LRFN5: variants seen among roughly 807,000 people sequenced by gnomAD.
LRFN5 encodes the protein leucine-rich repeat and fibronectin type-III domain-containing protein 5.
LRFN5 carries 24 observed loss-of-function variants against 45.6 expected under a neutral mutation model. That is an observed-to-expected ratio of 0.53 (90% CI 0.38 to 0.74). LRFN5 has a LOEUF of 0.74. Ranked by LOEUF, LRFN5 falls within the 30% of genes least tolerant of loss-of-function variation. The probability of loss-of-function intolerance (pLI) is 0.00; values close to 1 mark genes in which losing one functional copy is unlikely to be tolerated. For missense variants in LRFN5, 776 were observed against 861.5 expected, an observed-to-expected ratio of 0.90 and a Z score of 1.24; for synonymous variants, 340 against 313.8, an observed-to-expected ratio of 1.08 and a Z score of -0.88.
At chr14:41,779,720 G>C (rs1400317119) in intron 2 of LRFN5, among the ~76,000 whole-genome samples, 1 of 151,678 alleles carries the variant, frequency 6.6e-6, no homozygotes, top group African/African-American at 2.4e-5. Context: ...TCAAGGAATT[G>C]GTCCATTTTG....
At chr14:41,857,661 T>C (rs1034856187) in intron 2 of LRFN5, among the ~76,000 whole-genome samples, 2 of 152,358 alleles carry the variant, frequency 1.3e-5, no homozygotes, top group African/African-American at 4.8e-5. Flanking sequence ...AAAACATGCA[T>C]AATACACATA....
intron 2 of LRFN5, among the ~76,000 whole-genome samples, chr14:41,832,072 C>T (rs893263243): frequency 6.6e-6 from 1 of 152,094 alleles, no homozygotes; most frequent in Non-Finnish European, 1.5e-5. Flanking sequence ...CTCTCCAAAC[C>T]CCATCTTCAA....
intron 1 of LRFN5, among the ~76,000 whole-genome samples, chr14:41,687,547 T>C (rs1448371268): frequency 1.3e-5 from 2 of 152,214 alleles, no homozygotes; most frequent in Non-Finnish European, 2.9e-5. Context: ...CATGTGTTTA[T>C]TGCAGCATTA....
chr14:41,670,203 C>CTT (rs1555352820), intron 1 of LRFN5, among the ~76,000 whole-genome samples: 1 of 113,482 alleles, frequency 8.8e-6, no homozygotes, highest in African/African-American at 3.5e-5. Flanking sequence ...TATACATTCT[C>CTT]TGTGTGTGTG....
At chr14:41,795,789 G>T (rs1887104773) in intron 2 of LRFN5, among the ~76,000 whole-genome samples, 1 of 151,868 alleles carries the variant, frequency 6.6e-6, no homozygotes, top group African/African-American at 2.4e-5. Context: ...GTTGGGGGGA[G>T]GGGGGAGGAA....
chr14:41,719,092 G>A (rs2138764807), intron 1 of LRFN5, among the ~76,000 whole-genome samples: 1 of 152,162 alleles, frequency 6.6e-6, no homozygotes, highest in Middle Eastern at 3.4e-3. Flanking sequence ...TCCTTTCTCT[G>A]GAATCCCAGA....
intron 1 of LRFN5, among the ~76,000 whole-genome samples, chr14:41,692,330 C>G (rs1056011863): frequency 6.6e-6 from 1 of 151,636 alleles, no homozygotes; most frequent in South Asian, 2.1e-4. Flanking sequence ...TTATGTGAGT[C>G]CTTTATAGAT....
chr14:41,644,628 G>C (rs1248770714), intron 1 of LRFN5, among the ~76,000 whole-genome samples: 1 of 151,964 alleles, frequency 6.6e-6, no homozygotes, highest in Non-Finnish European at 1.5e-5. Context: ...TACTGGCAGA[G>C]GTTGAATTAA....
intron 1 of LRFN5, among the ~76,000 whole-genome samples, chr14:41,681,796 TTTTATTTATTTA>T (rs34192648): frequency 2.0e-4 from 20 of 98,944 alleles, no homozygotes; most frequent in Non-Finnish European, 3.7e-4. Context: ...TTTTATTTTA[TTTTATTTATTTA>T]TTTATTTATT....
chr14:41,656,825 TA>T (rs1880402510), intron 1 of LRFN5, among the ~76,000 whole-genome samples: 1 of 151,922 alleles, frequency 6.6e-6, no homozygotes, highest in Admixed American at 6.6e-5. Context: ...TTTCAATTAT[TA>T]TATCCATATT....
intron 2 of LRFN5, among the ~76,000 whole-genome samples, chr14:41,798,872 T>G (rs1196456339): frequency 6.6e-6 from 1 of 152,088 alleles, no homozygotes; most frequent in African/African-American, 2.4e-5. Flanking sequence ...ATACTCATTT[T>G]TGTCTCTGAT....
At chr14:41,641,861 A>C (rs1879595493) in intron 1 of LRFN5, among the ~76,000 whole-genome samples, 2 of 152,130 alleles carry the variant, frequency 1.3e-5, no homozygotes. Context: ...TTTATAGTGC[A>C]AAATATTTCT....
chr14:41,759,444 TCTCTACAC>T (rs1885553292), intron 1 of LRFN5, among the ~76,000 whole-genome samples: 1 of 125,526 alleles, frequency 8.0e-6, no homozygotes, highest in Non-Finnish European at 1.7e-5. Context: ...ATATTCTCTC[TCTCTACAC>T]ACACACACAC....
chr14:41,861,519 A>T (rs937229915), intron 2 of LRFN5, among the ~76,000 whole-genome samples: 1 of 152,188 alleles, frequency 6.6e-6, no homozygotes, highest in African/African-American at 2.4e-5. Context: ...TCATTTTAGC[A>T]AATATTATGC....
At chr14:41,811,392 A>G (rs562877450) in intron 2 of LRFN5, among the ~76,000 whole-genome samples, 1 of 152,220 alleles carries the variant, frequency 6.6e-6, no homozygotes, top group South Asian at 2.1e-4. Context: ...ATATGACTAG[A>G]TATGACCCAG....
chr14:41,755,212 A>G (rs548316508), intron 1 of LRFN5, among the ~76,000 whole-genome samples: 1 of 152,224 alleles, frequency 6.6e-6, no homozygotes, highest in South Asian at 2.1e-4. Context: ...GAATCAGTGC[A>G]GTGTGGTGCT....
At chr14:41,826,933 T>A (rs758801433) in intron 2 of LRFN5, among the ~76,000 whole-genome samples, 23 of 152,142 alleles carry the variant, frequency 1.5e-4, no homozygotes, top group Non-Finnish European at 3.1e-4. Flanking sequence ...AAATAAGTAA[T>A]TATTTTGATT....
chr14:41,781,106 T>C (rs1886465577), intron 2 of LRFN5, among the ~76,000 whole-genome samples: 1 of 152,176 alleles, frequency 6.6e-6, no homozygotes, highest in Non-Finnish European at 1.5e-5. Context: ...GGAAAATATT[T>C]TACCTTTACT....
intron 4 of LRFN5, among the ~76,000 whole-genome samples, chr14:41,896,179 G>A (rs1211679167): frequency 1.3e-5 from 2 of 151,948 alleles, no homozygotes; most frequent in Non-Finnish European, 2.9e-5. Flanking sequence ...AATTCCAATA[G>A]TTTAAAAATC....
Sources: allele counts gnomAD v4.1 joint callset (sites outside exome capture counted in the v4.1 genomes callset), GRCh38; gene constraint gnomAD v4.1.1; transcripts MANE v1.5; gene names NCBI Gene and HGNC (gene_info 2026-07-23, HGNC 2026-07-21).